The following SUSD4 variants were observed in gnomAD, a reference collection of about 807,000 sequenced individuals.
SUSD4 encodes sushi domain-containing protein 4.
In SUSD4, 41 loss-of-function variants were observed where a neutral mutation model predicts 50.5. That is an observed-to-expected ratio of 0.81 (90% confidence interval 0.63 to 1.05). The LOEUF (loss-of-function observed/expected upper bound fraction) is 1.05. Among genes scored for constraint, SUSD4 ranks in the 50% least tolerant of loss-of-function variants. SUSD4 has a pLI of 0.00. For synonymous variants in SUSD4, 257 were observed against 257.3 expected (o/e 1.00, Z 0.01); for missense variants, 580 against 634.7 (o/e 0.91, Z 0.93).
rs17163794 is a variant in SUSD4, at chr1:223,315,017, T to C, written c.149-22366A>G. Among the ~76,000 whole-genome samples, 1,429 of 152,316 alleles carry C rather than the reference T, an allele frequency of 9.4e-3. 41 individuals are homozygous for C. The East Asian group carries it at 0.11, about 11-fold the overall frequency. On this transcript the variant is annotated intron_variant, in intron 2 of 8. Transcript: ENST00000366878. Reference sequence around the variant, plus strand: ...TGAGGGAGTGGAGCTCTGAGACCACTACTTAATTTATATTTTCTATACTAG... The same window carrying C: ...TGAGGGAGTGGAGCTCTGAGACCACCACTTAATTTATATTTTCTATACTAG...
intron 2 of SUSD4, among the ~76,000 whole-genome samples, chr1:223,313,125 T>C (rs961478936): frequency 9.2e-5 from 14 of 152,168 alleles, no homozygotes; most frequent in African/African-American, 3.4e-4. Flanking sequence ...GATCTCCAGA[T>C]AGTTTATGCT....
intron 3 of SUSD4, among the ~76,000 whole-genome samples, chr1:223,283,703 C>T (rs1403210198): frequency 6.6e-6 from 1 of 152,172 alleles, no homozygotes; most frequent in African/African-American, 2.4e-5. Flanking sequence ...ACTAGAAATA[C>T]CATTTGACCC....
intron 5 of SUSD4, among the ~76,000 whole-genome samples, chr1:223,260,918 C>G (rs544736248): frequency 2.6e-4 from 39 of 152,340 alleles, no homozygotes; most frequent in Admixed American, 4.6e-4. Flanking sequence ...AGTGTGACAG[C>G]TGTCACTCAA....
At chr1:223,284,530 AAAG>A (rs751451324) in intron 3 of SUSD4, among the ~76,000 whole-genome samples, 3 of 152,220 alleles carry the variant, frequency 2.0e-5, no homozygotes, top group Non-Finnish European at 2.9e-5. Context: ...TGTAGTAATT[AAAG>A]AAGATGATGT....
intron 5 of SUSD4, among the ~76,000 whole-genome samples, chr1:223,257,951 T>G (rs1661816872): frequency 6.6e-6 from 1 of 152,182 alleles, no homozygotes; most frequent in South Asian, 2.1e-4. Flanking sequence ...TCTTTATGTC[T>G]GAAGTTTCCA....
At chr1:223,238,169 T>C (rs1660345275) in intron 5 of SUSD4, among the ~76,000 whole-genome samples, 1 of 152,040 alleles carries the variant, frequency 6.6e-6, no homozygotes, top group Non-Finnish European at 1.5e-5. Flanking sequence ...ATCCTCCTAA[T>C]GTCCATGGGA....
chr1:223,329,592 CT>C (rs1366194340), intron 2 of SUSD4, among the ~76,000 whole-genome samples: 3 of 152,224 alleles, frequency 2.0e-5, no homozygotes, highest in African/African-American at 7.2e-5. Flanking sequence ...TGATTTGGCT[CT>C]GCATCCCTAA....
intron 5 of SUSD4, among the ~76,000 whole-genome samples, chr1:223,237,080 T>C (rs1292713110): frequency 1.3e-5 from 2 of 152,060 alleles, no homozygotes. Flanking sequence ...GTTAGATTTG[T>C]GTCTAAGCAT....
intron 2 of SUSD4, among the ~76,000 whole-genome samples, chr1:223,320,545 G>T (rs1203745741): frequency 6.6e-6 from 1 of 152,158 alleles, no homozygotes; most frequent in Admixed American, 6.5e-5. Flanking sequence ...TAGCAGAAGT[G>T]GGGGCAATGG....
chr1:223,346,523 C>A (rs78279980), intron 2 of SUSD4, among the ~76,000 whole-genome samples: 28,253 of 152,020 alleles, frequency 0.19, 3,176 homozygotes, highest in Non-Finnish European at 0.26. Context: ...GAGTGCCCCC[C>A]AGCCTGGAAG....
intron 3 of SUSD4, among the ~76,000 whole-genome samples, chr1:223,273,099 T>C (rs1380987347): frequency 1.3e-5 from 2 of 152,094 alleles, no homozygotes; most frequent in African/African-American, 4.8e-5. Flanking sequence ...AAGAACAATT[T>C]AATTATGTAT....
At chr1:223,295,896 G>A (rs965374742) in intron 2 of SUSD4, among the ~76,000 whole-genome samples, 5 of 151,842 alleles carry the variant, frequency 3.3e-5, no homozygotes, top group Admixed American at 2.0e-4. Flanking sequence ...GATCAGATTC[G>A]CATTTTAGAA....
rs1662704496 is a variant in SUSD4, at chr1:223,268,773, A to G, written c.362-98T>C. On this transcript the variant is annotated intron_variant, in intron 3 of 8. Coordinates refer to ENST00000366878, the MANE Select transcript of SUSD4 (RefSeq NM_017982.4). ...GCTCTTATTTTCAGACTTGGTCTCA[A>G]CCTACACAGCAATCTGATAAATGGT... is the stretch of plus-strand genomic sequence containing the variant. The G allele has an allele frequency of 5.6e-6, 7 of 1,248,754 alleles. No homozygotes were observed. In the South Asian group the frequency reaches 8.7e-5, roughly 16 times the overall value. The allele number at this position is 1,248,754 out of a possible 1,614,324, so 77.4% of individuals were successfully genotyped here.
At chr1:223,266,255 T>C (rs542966840) in intron 4 of SUSD4, among the ~76,000 whole-genome samples, 3 of 152,294 alleles carry the variant, frequency 2.0e-5, no homozygotes, top group South Asian at 2.1e-4. Flanking sequence ...TAACCTTAGG[T>C]TATTATTATT....
intron 2 of SUSD4, among the ~76,000 whole-genome samples, chr1:223,346,085 T>C (rs1038324204): frequency 6.6e-6 from 1 of 152,170 alleles, no homozygotes; most frequent in African/African-American, 2.4e-5. Context: ...GAGGCCGTCC[T>C]GTGCATTTTA....
intron 3 of SUSD4, 71 bp from the exon 4 acceptor site, chr1:223,268,746 A>C: frequency 6.7e-7 from 1 of 1,500,916 alleles, no homozygotes; most frequent in Non-Finnish European, 9.0e-7. Context: ...CTTCACGAGA[A>C]AGCTCTTATT....
At chr1:223,236,174 TG>T (rs1660205967) in intron 5 of SUSD4, among the ~76,000 whole-genome samples, 2 of 152,242 alleles carry the variant, frequency 1.3e-5, no homozygotes, top group African/African-American at 4.8e-5. Context: ...TTAAGGTCTT[TG>T]GAACATTTTA....
In SUSD4 at chr1:223,292,558, G is replaced by A; in HGVS notation, c.242C>T (p.Ala81Val). 4 of 1,614,084 alleles carry A rather than the reference G, an allele frequency of 2.5e-6. No individual in the cohort carries two copies. The South Asian group carries it at 3.3e-5, about 13-fold the overall frequency. ...SGGVFFEGSVARFHCQDGFKL... is the reference protein window; with the variant it reads ...SGGVFFEGSVVRFHCQDGFKL... ...GAATCCGTCTTGGCAGTGAAATCGG[G>A]CTACAGAGCCTTCAAAGAAAACCCC... Residue 81 changes from alanine (A) to valine (V), a missense_variant, in exon 3 of 9, where the codon GCC (alanine) becomes GTC (valine). By Grantham distance (64) the Ala-to-Val change is moderately conservative. Coordinates refer to ENST00000366878, the MANE Select transcript of SUSD4 (RefSeq NM_017982.4).
chr1:223,285,289 G>A (rs1016925193), intron 3 of SUSD4, among the ~76,000 whole-genome samples: 1 of 152,180 alleles, frequency 6.6e-6, no homozygotes, highest in African/African-American at 2.4e-5. Flanking sequence ...CACCAAGGGA[G>A]GCTTTGCCTT....
Sources: allele counts gnomAD v4.1 joint callset (sites outside exome capture counted in the v4.1 genomes callset), GRCh38; gene constraint gnomAD v4.1.1; transcripts MANE v1.5; gene names NCBI Gene and HGNC (gene_info 2026-07-23, HGNC 2026-07-21).